SMYD3: variants seen among roughly 807,000 people sequenced by gnomAD.
SMYD3 encodes histone-lysine N-methyltransferase SMYD3.
In SMYD3, 36 loss-of-function variants were observed where a neutral mutation model predicts 57.7. The observed-to-expected ratio is 0.62, with a 90% CI of 0.48 to 0.82. SMYD3 has a LOEUF of 0.82. SMYD3 is among the 40% of genes least tolerant of loss of function. The pLI, the probability that SMYD3 is intolerant of heterozygous loss-of-function variation, is 0.00. For missense variants in SMYD3, 515 were observed against 538.8 expected, an observed-to-expected ratio of 0.96 and a Z score of 0.44; for synonymous variants, 211 against 195.0, an observed-to-expected ratio of 1.08 and a Z score of -0.68.
chr1:245,958,830 G>A (rs1050451884), intron 5 of SMYD3, among the ~76,000 whole-genome samples: 2 of 152,202 alleles, frequency 1.3e-5, no homozygotes, highest in African/African-American at 4.8e-5. Flanking sequence ...CCACCCTGGG[G>A]GAGTGGGCTA....
intron 5 of SMYD3, among the ~76,000 whole-genome samples, chr1:246,282,745 A>G (rs2064480565): frequency 6.6e-6 from 1 of 152,218 alleles, no homozygotes; most frequent in Admixed American, 6.5e-5. Flanking sequence ...AGCAGATGAG[A>G]CTTCTGCTTC....
At chr1:246,337,512 G>A (rs2065563102) in intron 2 of SMYD3, among the ~76,000 whole-genome samples, 1 of 152,156 alleles carries the variant, frequency 6.6e-6, no homozygotes, top group Admixed American at 6.5e-5. Context: ...ATAGAAGGGA[G>A]AACCATAACT....
At chr1:246,067,216 C>T (rs749820178) in intron 5 of SMYD3, among the ~76,000 whole-genome samples, 27 of 152,102 alleles carry the variant, frequency 1.8e-4, no homozygotes, top group Non-Finnish European at 3.7e-4. Context: ...CTAAAATATA[C>T]CCAATTCTAA....
intron 8 of SMYD3, among the ~76,000 whole-genome samples, chr1:245,892,849 G>C (rs1467148644): frequency 6.6e-6 from 1 of 152,056 alleles, no homozygotes; most frequent in Non-Finnish European, 1.5e-5. Flanking sequence ...GGCTTCAAAA[G>C]ACTGATCCAT....
intron 5 of SMYD3, among the ~76,000 whole-genome samples, chr1:245,943,970 A>T (rs1315172518): frequency 1.3e-5 from 2 of 152,210 alleles, no homozygotes; most frequent in Non-Finnish European, 2.9e-5. Flanking sequence ...TAAACTAGGT[A>T]TTGAAGGAAC....
intron 5 of SMYD3, among the ~76,000 whole-genome samples, chr1:245,993,857 G>A (rs1454957768): frequency 6.6e-6 from 1 of 152,142 alleles, no homozygotes; most frequent in Non-Finnish European, 1.5e-5. Context: ...TGTATTTAAT[G>A]TCACTGAACT....
intron 5 of SMYD3, among the ~76,000 whole-genome samples, chr1:246,005,991 T>C (rs1167580012): frequency 6.6e-6 from 1 of 151,448 alleles, no homozygotes; most frequent in East Asian, 1.9e-4. Flanking sequence ...GCTCTGTGAA[T>C]GGGTTTTATA....
At chr1:246,162,207 A>T (rs186490202) in intron 5 of SMYD3, among the ~76,000 whole-genome samples, 1 of 152,150 alleles carries the variant, frequency 6.6e-6, no homozygotes, top group Admixed American at 6.6e-5. Context: ...AATGCCAACA[A>T]CTCCAAGTTG....
intron 10 of SMYD3, among the ~76,000 whole-genome samples, chr1:245,809,532 TC>T (rs2048348718): frequency 2.0e-5 from 3 of 152,190 alleles, no homozygotes; most frequent in African/African-American, 7.2e-5. Flanking sequence ...CTGCTGTTGT[TC>T]CTTTGTGTGG....
At chr1:246,430,444 C>T (rs948543244) in intron 1 of SMYD3, among the ~76,000 whole-genome samples, 7 of 152,110 alleles carry the variant, frequency 4.6e-5, no homozygotes, top group Non-Finnish European at 7.3e-5. Flanking sequence ...TGAACTAGAG[C>T]GAAGGCCGTA....
chr1:246,118,943 T>C (rs778512370), intron 5 of SMYD3, among the ~76,000 whole-genome samples: 11 of 152,034 alleles, frequency 7.2e-5, no homozygotes, highest in Non-Finnish European at 1.3e-4. Context: ...AAAAGAAAGA[T>C]TGACATCTGA....
At chr1:245,816,539 AG>A (rs1422895310) in intron 10 of SMYD3, among the ~76,000 whole-genome samples, 1 of 149,122 alleles carries the variant, frequency 6.7e-6, no homozygotes, top group Non-Finnish European at 1.5e-5. Flanking sequence ...AAAAAAAAAA[AG>A]AGGAGCCAAG....
At chr1:246,102,023 T>G (rs1473982817) in intron 5 of SMYD3, among the ~76,000 whole-genome samples, 1 of 152,224 alleles carries the variant, frequency 6.6e-6, no homozygotes, top group African/African-American at 2.4e-5. Flanking sequence ...CCGGCTTTAA[T>G]TTCTCCACAG....
At chr1:246,319,696 A>G (rs1364825216) in intron 5 of SMYD3, among the ~76,000 whole-genome samples, 8 of 152,202 alleles carry the variant, frequency 5.3e-5, no homozygotes, top group Non-Finnish European at 5.9e-5. Flanking sequence ...AACAGAGGTA[A>G]TACTCTTCCC....
chr1:246,331,184 G>A (rs1045824311), intron 3 of SMYD3, among the ~76,000 whole-genome samples: 1 of 152,062 alleles, frequency 6.6e-6, no homozygotes, highest in Non-Finnish European at 1.5e-5. Context: ...AATAATTTGA[G>A]AAAGATATTC....
chr1:245,932,427 T>C (rs967419605), intron 5 of SMYD3, among the ~76,000 whole-genome samples: 1 of 152,192 alleles, frequency 6.6e-6, no homozygotes, highest in African/African-American at 2.4e-5. Context: ...TCATACTGGA[T>C]CATTATTTAC....
At chr1:245,826,144 T>C in intron 10 of SMYD3, among the ~76,000 whole-genome samples, 1 of 151,628 alleles carries the variant, frequency 6.6e-6, no homozygotes, top group Non-Finnish European at 1.5e-5. Context: ...TGTATAACAG[T>C]CATCCAGAAC....
At chr1:246,231,105 T>C (rs1295538408) in intron 5 of SMYD3, among the ~76,000 whole-genome samples, 2 of 152,226 alleles carry the variant, frequency 1.3e-5, no homozygotes, top group African/African-American at 4.8e-5. Flanking sequence ...GTTGTGTGGG[T>C]TATTGCTAAG....
intron 10 of SMYD3, among the ~76,000 whole-genome samples, chr1:245,827,337 T>A (rs541834425): frequency 5.3e-5 from 8 of 152,134 alleles, no homozygotes; most frequent in Non-Finnish European, 1.0e-4. Context: ...GAGGCCCAGA[T>A]ACATGAGGTG....
Sources: gnomAD v4.1 joint callset for allele counts (sites outside exome capture counted in the v4.1 genomes callset) on GRCh38, gnomAD v4.1.1 for gene constraint, MANE v1.5 for transcripts, NCBI Gene and HGNC (gene_info 2026-07-23, HGNC 2026-07-21) for gene names.